Variants in SENP6 observed in about 807,000 individuals in gnomAD.
The protein encoded by SENP6 is SUMO specific peptidase 6.
SENP6 carries 41 observed loss-of-function variants against 134.5 expected under a neutral mutation model. That is an observed-to-expected ratio of 0.30 (90% confidence interval 0.24 to 0.40). SENP6 has a LOEUF of 0.40. Among genes scored for constraint, SENP6 ranks in the 10% least tolerant of loss-of-function variants. The probability of loss-of-function intolerance (pLI) is 1.00; values close to 1 mark genes in which losing one functional copy is unlikely to be tolerated. For synonymous variants in SENP6, 395 were observed against 429.8 expected, an observed-to-expected ratio of 0.92 and a Z score of 1.00; for missense variants, 1,248 against 1,312.5, an observed-to-expected ratio of 0.95 and a Z score of 0.76.
chr6:75,650,971 A>C (rs528259024), intron 7 of SENP6, among the ~76,000 whole-genome samples: 1 of 152,246 alleles, frequency 6.6e-6, no homozygotes, highest in Non-Finnish European at 1.5e-5. Flanking sequence ...TGAGGCACTT[A>C]GTATATTTTT....
chr6:75,701,200 A>C (rs1437407389), intron 18 of SENP6, among the ~76,000 whole-genome samples: 1 of 152,210 alleles, frequency 6.6e-6, no homozygotes, highest in Non-Finnish European at 1.5e-5. Context: ...CCATAGGACA[A>C]ATATTATTGT....
rs1776086123 is a variant in SENP6, at chr6:75,717,933, C to T, written c.*2339C>T. 6.6e-6 allele frequency: 1 copy of T among 152,172 alleles called. No homozygotes were observed. Among genetic ancestry groups the T allele is most frequent in the African/African-American group, 2.4e-5 (1 of 41,436 alleles). The allele number at this position is 152,172 out of a possible 1,614,324, so 9.4% of individuals were successfully genotyped here. ...TAGGAGCAGAAGTGGTGTTTAGTCC[C>T]TTCCCGTTAATGTTGCTGTGCTACT... On this transcript the variant is annotated 3_prime_UTR_variant, in exon 24 of 24. Transcript: ENST00000447266.
intron 3 of SENP6, among the ~76,000 whole-genome samples, chr6:75,626,334 G>T (rs1768690285): frequency 6.7e-6 from 1 of 149,136 alleles, no homozygotes; most frequent in South Asian, 2.1e-4. Flanking sequence ...ATGTGGCTTA[G>T]CTTTTTATAT....
chr6:75,709,780 G>A, intron 20 of SENP6, 150 bp downstream of exon 20: 1 of 452,284 alleles, frequency 2.2e-6, no homozygotes, highest in Non-Finnish European at 3.9e-6. Flanking sequence ...GTTCAGCCTG[G>A]GCAACATAAG....
chr6:75,647,430 G>A (rs573290324), intron 6 of SENP6: 4 of 212,436 alleles, frequency 1.9e-5, no homozygotes, highest in African/African-American at 2.3e-5. Flanking sequence ...CTTGTTCCAC[G>A]ATTGCTGATC....
At position 75,630,862 on chromosome 6, in the gene SENP6, C is replaced by T. The variant is rs187400238; in HGVS notation, c.208-2719C>T. Reference sequence around the variant, plus strand: ...AAACCATCATTTAAAAAAAAAAATCCGTAACCTATATTTTATGTTTAAAAG... The same window carrying T: ...AAACCATCATTTAAAAAAAAAAATCTGTAACCTATATTTTATGTTTAAAAG... On this transcript the variant is annotated intron_variant, in intron 3 of 23. Coordinates refer to ENST00000447266, the MANE Select transcript of SENP6 (RefSeq NM_015571.4). Among the ~76,000 whole-genome samples the T allele has an allele frequency of 2.5e-4, 38 of 151,408 alleles. No homozygotes were observed. The East Asian group carries it at 6.2e-3, about 25-fold the overall frequency.
At chr6:75,688,901 T>G (rs1774035136) in intron 16 of SENP6, among the ~76,000 whole-genome samples, 1 of 152,184 alleles carries the variant, frequency 6.6e-6, no homozygotes, top group South Asian at 2.1e-4. Flanking sequence ...ACCCCAACTC[T>G]ACTAAAAATA....
At chr6:75,682,087 A>G (rs1773503055) in intron 16 of SENP6, among the ~76,000 whole-genome samples, 1 of 152,210 alleles carries the variant, frequency 6.6e-6, no homozygotes, top group South Asian at 2.1e-4. Flanking sequence ...ATTAAACACA[A>G]GAAAGCAGAG....
chr6:75,602,260 TCGTCGC>T lies in SENP6; in HGVS notation c.-262_-257del, dbSNP rs1766676756. 6 of 370,378 alleles carry T rather than the reference TCGTCGC, an allele frequency of 1.6e-5. No individual in the cohort carries two copies. Among genetic ancestry groups the T allele is most frequent in the Non-Finnish European group, 2.4e-5 (5 of 208,088 alleles). The allele number at this position is 370,378 out of a possible 1,614,324, so 22.9% of individuals were successfully genotyped here. A position where few individuals can be genotyped will look rare whatever the true frequency, so the allele number is the denominator to read the frequency against. On this transcript the variant is annotated 5_prime_UTR_variant, in exon 1 of 24. Coordinates refer to ENST00000447266, the MANE Select transcript of SENP6 (RefSeq NM_015571.4). ...CCGGGCCCGGGAAGCGCCGTCGTCG[TCGTCGC>T]CGGTCGCGTTCCCCCGGAGAGGCCT...
intron 9 of SENP6, among the ~76,000 whole-genome samples, chr6:75,664,073 A>T (rs1220619548): frequency 6.6e-6 from 1 of 152,052 alleles, no homozygotes; most frequent in African/African-American, 2.4e-5. Context: ...AATTTCCAAG[A>T]TCCTTAATTA....
At chr6:75,687,568 G>A (rs759724006) in intron 16 of SENP6, among the ~76,000 whole-genome samples, 34 of 152,180 alleles carry the variant, frequency 2.2e-4, no homozygotes, top group Non-Finnish European at 1.6e-4. Flanking sequence ...GTTGGTGACC[G>A]ACAGATGGGG....
At chr6:75,709,429 C>T in intron 19 of SENP6, 98 bp from the exon 20 acceptor site, 1 of 735,232 alleles carries the variant, frequency 1.4e-6, no homozygotes, top group Non-Finnish European at 2.3e-6. Flanking sequence ...TTCTTGACTA[C>T]TGTATCATTA....
chr6:75,686,177 G>A (rs1337356284), intron 16 of SENP6, among the ~76,000 whole-genome samples: 1 of 152,100 alleles, frequency 6.6e-6, no homozygotes, highest in Non-Finnish European at 1.5e-5. Flanking sequence ...TTTGATCTCT[G>A]TTGGTTTAAA....
At chr6:75,641,352 C>A (rs1000209031) in intron 6 of SENP6, among the ~76,000 whole-genome samples, 3 of 152,126 alleles carry the variant, frequency 2.0e-5, no homozygotes, top group African/African-American at 7.2e-5. Flanking sequence ...TCATCAAAAT[C>A]TTTATCATTA....
At position 75,666,772 on chromosome 6, in the gene SENP6, C is replaced by CAT; in HGVS notation, c.1055_1056insAT (p.Pro353PhefsTer19). 6.2e-7 allele frequency: 1 copy of CAT among 1,611,866 alleles called. No homozygotes were observed. Among genetic ancestry groups the CAT allele is most frequent in the Non-Finnish European group, 8.5e-7 (1 of 1,178,292 alleles). On this transcript the variant is annotated frameshift_variant, in exon 10 of 24. Coordinates refer to ENST00000447266, the MANE Select transcript of SENP6 (RefSeq NM_015571.4). LOFTEE classifies it high-confidence loss of function. ...AGAACTAACAGAAGAGAAAGCATAT[C>CAT]TCCTCAGCCTGCTGATTCAGCATGT...
chr6:75,715,365 G>A lies in SENP6; in HGVS notation c.3130-20G>A, dbSNP rs749251019. 15 of 1,513,210 alleles carry A rather than the reference G, an allele frequency of 9.9e-6. No individual in the cohort carries two copies. The highest frequency in any genetic ancestry group is 1.4e-5 in the Non-Finnish European group (15 of 1,098,366). The allele number at this position is 1,513,210 out of a possible 1,614,324, so 93.7% of individuals were successfully genotyped here. A position where few individuals can be genotyped will look rare whatever the true frequency, so the allele number is the denominator to read the frequency against. ...GTTATTTATTACAGTTTTCTAATACGCATTTAATTGTATTTTCAGAATCCA... is the reference window on the plus strand; with the variant it reads ...GTTATTTATTACAGTTTTCTAATACACATTTAATTGTATTTTCAGAATCCA... On this transcript the variant is annotated intron_variant, in intron 23 of 23. Transcript: ENST00000447266.
intron 5 of SENP6, 50 bp from the exon 6 acceptor site, chr6:75,640,634 C>G: frequency 7.4e-7 from 1 of 1,344,306 alleles, no homozygotes; most frequent in Non-Finnish European, 1.0e-6. Flanking sequence ...AGTGATATAT[C>G]AACAATGAGG....
intron 14 of SENP6, 110 bp from the exon 15 acceptor site, chr6:75,678,473 C>A: frequency 1.6e-6 from 1 of 625,834 alleles, no homozygotes; most frequent in Non-Finnish European, 2.8e-6. Flanking sequence ...CTTTTTAGTT[C>A]CACATTTTTA....
chr6:75,635,082 A>G (rs1054366043), intron 5 of SENP6: 19 of 482,100 alleles, frequency 3.9e-5, no homozygotes, highest in Admixed American at 6.2e-5. Context: ...ACTGATTTAC[A>G]ATATTGACCT....
Sources: allele counts gnomAD v4.1 joint callset (sites outside exome capture counted in the v4.1 genomes callset), GRCh38; gene constraint gnomAD v4.1.1; transcripts MANE v1.5; gene names NCBI Gene and HGNC (gene_info 2026-07-23, HGNC 2026-07-21).